Variants in SPRED1 observed in about 807,000 individuals in gnomAD.
SPRED1 encodes sprouty-related, EVH1 domain-containing protein 1.
SPRED1 carries 18 observed loss-of-function variants against 52.3 expected under a neutral mutation model. The observed-to-expected ratio is 0.34, with a 90% CI of 0.24 to 0.51. The LOEUF (loss-of-function observed/expected upper bound fraction) is 0.51, where lower values mean the gene tolerates loss of function less well. SPRED1 is among the 20% of genes least tolerant of loss of function. The probability of loss-of-function intolerance (pLI) is 0.97; values close to 1 mark genes in which losing one functional copy is unlikely to be tolerated. For missense variants in SPRED1, 485 were observed against 551.0 expected (o/e 0.88, Z 1.20); for synonymous variants, 155 against 179.7 (o/e 0.86, Z 1.10).
chr15:38,281,496 G>A (rs998478925), intron 1 of SPRED1, among the ~76,000 whole-genome samples: 5 of 151,514 alleles, frequency 3.3e-5, no homozygotes, highest in Admixed American at 3.3e-4. Context: ...GGGCTCAAGC[G>A]ATTCTCCCCA....
chr15:38,312,836 C>T (rs752729982), intron 2 of SPRED1, among the ~76,000 whole-genome samples: 83 of 151,718 alleles, frequency 5.5e-4, no homozygotes, highest in Admixed American at 2.3e-3. Flanking sequence ...AGTTTTGTCC[C>T]TCTTTTTCTT....
chr15:38,260,647 CATT>C (rs1267322454), intron 1 of SPRED1, among the ~76,000 whole-genome samples: 1 of 152,160 alleles, frequency 6.6e-6, no homozygotes, highest in African/African-American at 2.4e-5. Flanking sequence ...TAAAGAACCG[CATT>C]ATTACCATAT....
intron 5 of SPRED1, among the ~76,000 whole-genome samples, chr15:38,348,837 C>T (rs886514559): frequency 2.0e-5 from 3 of 152,036 alleles, no homozygotes; most frequent in African/African-American, 7.2e-5. Context: ...CTGAAATGGG[C>T]TTTGCAATTC....
intron 2 of SPRED1, among the ~76,000 whole-genome samples, chr15:38,302,280 C>A (rs1387187627): frequency 1.3e-5 from 2 of 152,134 alleles, no homozygotes; most frequent in African/African-American, 4.8e-5. Context: ...TATGAGAGAA[C>A]CACTTTCACA....
Position 38,253,039 on chromosome 15 carries a change from T to C in SPRED1, c.-147T>C, listed in dbSNP as rs1265055548. 1 of 724,418 alleles carries C rather than the reference T, an allele frequency of 1.4e-6. No homozygotes were observed. The highest frequency in any genetic ancestry group is 2.4e-6 in the Non-Finnish European group (1 of 409,096). The allele number at this position is 724,418 out of a possible 1,614,324, so 44.9% of individuals were successfully genotyped here. A position where few individuals can be genotyped will look rare whatever the true frequency, so the allele number is the denominator to read the frequency against. On this transcript the variant is annotated 5_prime_UTR_variant, in exon 1 of 7. Transcript: ENST00000299084. ...GTTCCCGGCTGGGGGGGTACCGTTC[T>C]GGGTGAGGCATCCACCATGGTGAGG...
At chr15:38,302,567 A>G (rs1296770513) in intron 2 of SPRED1, among the ~76,000 whole-genome samples, 1 of 152,066 alleles carries the variant, frequency 6.6e-6, no homozygotes, top group Non-Finnish European at 1.5e-5. Context: ...TGATGCCTAC[A>G]AAAGGTGGAG....
At chr15:38,331,076 A>G (rs1159296786) in intron 4 of SPRED1, among the ~76,000 whole-genome samples, 3 of 152,128 alleles carry the variant, frequency 2.0e-5, no homozygotes, top group East Asian at 1.9e-4. Flanking sequence ...CAAAATTGCT[A>G]TAGAAGTCTT....
intron 2 of SPRED1, among the ~76,000 whole-genome samples, chr15:38,316,917 T>C (rs894129697): frequency 3.3e-5 from 5 of 151,784 alleles, no homozygotes; most frequent in Non-Finnish European, 5.9e-5. Flanking sequence ...TCGTGTCATA[T>C]TATTTTGGCA....
At chr15:38,287,209 C>T (rs1192703512) in intron 1 of SPRED1, among the ~76,000 whole-genome samples, 1 of 152,100 alleles carries the variant, frequency 6.6e-6, no homozygotes, top group African/African-American at 2.4e-5. Context: ...CATTGGCTAG[C>T]ACAGTTTTAC....
intron 5 of SPRED1, among the ~76,000 whole-genome samples, chr15:38,347,673 TTG>T (rs1309515238): frequency 6.6e-6 from 1 of 152,036 alleles, no homozygotes. Flanking sequence ...ACATAAAACT[TTG>T]TATTTTCTTT....
intron 2 of SPRED1, among the ~76,000 whole-genome samples, chr15:38,315,319 T>A (rs961512387): frequency 1.4e-4 from 21 of 151,954 alleles, no homozygotes; most frequent in Non-Finnish European, 2.8e-4. Flanking sequence ...CATATAATTA[T>A]CTACTCGTAA....
intron 1 of SPRED1, among the ~76,000 whole-genome samples, chr15:38,285,652 C>T (rs898423787): frequency 1.3e-5 from 2 of 152,090 alleles, no homozygotes; most frequent in African/African-American, 4.8e-5. Context: ...TTTGTAGGGT[C>T]TTTAGAGTTT....
intron 1 of SPRED1, among the ~76,000 whole-genome samples, chr15:38,255,425 G>T (rs543185082): frequency 3.0e-4 from 45 of 151,834 alleles, no homozygotes; most frequent in Non-Finnish European, 6.0e-4. Flanking sequence ...TTTAAGTTTG[G>T]GCAGGGCGAT....
intron 1 of SPRED1, among the ~76,000 whole-genome samples, chr15:38,259,206 A>G (rs1421754853): frequency 4.6e-5 from 7 of 152,220 alleles, no homozygotes; most frequent in Non-Finnish European, 7.3e-5. Flanking sequence ...ATAGCCATGT[A>G]TCTTTGATGA....
At position 38,325,890 on chromosome 15, in the gene SPRED1, TAATA is replaced by T. The variant is rs1218252501; in HGVS notation, c.423+1085_423+1088del. The stretch of plus-strand genomic sequence containing the variant: ...TTCCTGGTCAACAGGAATTGTGAAA[TAATA>T]AATGTTTGTTATTTTAAGCCACTAA... On this transcript the variant is annotated intron_variant, in intron 4 of 6. Transcript: ENST00000299084. The T allele has an allele frequency of 3.3e-5, 5 of 152,128 alleles. No individual in the cohort carries two copies. In the East Asian group the frequency reaches 9.6e-4, roughly 29 times the overall value. 9.4% of individuals were successfully genotyped at this position (152,128 alleles called of 1,614,324 possible). A position where few individuals can be genotyped will look rare whatever the true frequency, so the allele number is the denominator to read the frequency against.
chr15:38,327,846 G>A (rs894284069), intron 4 of SPRED1, among the ~76,000 whole-genome samples: 2 of 152,178 alleles, frequency 1.3e-5, no homozygotes, highest in South Asian at 4.1e-4. Flanking sequence ...GCATCTATAG[G>A]TAAAGAATGC....
At chr15:38,255,608 G>A (rs1442019108) in intron 1 of SPRED1, among the ~76,000 whole-genome samples, 2 of 152,056 alleles carry the variant, frequency 1.3e-5, no homozygotes, top group Non-Finnish European at 2.9e-5. Flanking sequence ...GAACTTATTT[G>A]GAATGTAGCT....
chr15:38,356,800 A>T lies in SPRED1; in HGVS notation c.*5136A>T, dbSNP rs1888631941. 6.6e-6 allele frequency: 1 copy of T among 152,160 alleles called. No homozygotes were observed. The highest frequency in any genetic ancestry group is 1.5e-5 in the Non-Finnish European group (1 of 67,992). 9.4% of individuals were successfully genotyped at this position (152,160 alleles called of 1,614,324 possible). A position where few individuals can be genotyped will look rare whatever the true frequency, so the allele number is the denominator to read the frequency against. ...GTTTTACTTAACTCGCCATATAACC[A>T]AAAATAACGAATAATCTAAAGGAAA... On this transcript the variant is annotated 3_prime_UTR_variant, in exon 7 of 7. Transcript: ENST00000299084.
intron 1 of SPRED1, among the ~76,000 whole-genome samples, chr15:38,297,455 A>C (rs1488481399): frequency 1.3e-5 from 2 of 152,218 alleles, no homozygotes; most frequent in Non-Finnish European, 2.9e-5. Context: ...TTTAATATCT[A>C]CATCAACCCA....
Sources: gnomAD v4.1 joint callset for allele counts (sites outside exome capture counted in the v4.1 genomes callset) on GRCh38, gnomAD v4.1.1 for gene constraint, MANE v1.5 for transcripts, NCBI Gene and HGNC (gene_info 2026-07-23, HGNC 2026-07-21) for gene names.